TEX10: variants seen among roughly 807,000 people sequenced by gnomAD.
TEX10 encodes testis-expressed protein 10.
TEX10 carries 24 observed loss-of-function variants against 104.4 expected under a neutral mutation model. The ratio of observed to expected loss-of-function variants is 0.23; its 90% CI spans 0.17 to 0.32. The LOEUF is 0.32. Among genes scored for constraint, TEX10 ranks in the 10% least tolerant of loss-of-function variants. TEX10 has a pLI of 1.00. For missense variants in TEX10, 921 were observed against 1,083.9 expected (o/e 0.85, Z 2.11); for synonymous variants, 396 against 393.4 (o/e 1.01, Z -0.08).
At chr9:100,339,290 T>TACAC (rs1554739448) in intron 5 of TEX10, among the ~76,000 whole-genome samples, 19 of 126,864 alleles carry the variant, frequency 1.5e-4, no homozygotes, top group Admixed American at 1.7e-4. Flanking sequence ...TATATATATA[T>TACAC]ACATATATAT....
intron 1 of TEX10, among the ~76,000 whole-genome samples, chr9:100,351,508 G>A (rs1383092201): frequency 6.6e-6 from 1 of 152,050 alleles, no homozygotes; most frequent in Non-Finnish European, 1.5e-5. Context: ...AGCACACTTT[G>A]TGAGCTTTTC....
At position 100,326,330 on chromosome 9, in the gene TEX10, C is replaced by T. The variant is rs763253525; in HGVS notation, c.1951G>A (p.Ala651Thr). The T allele has an allele frequency of 2.5e-5, 41 of 1,613,750 alleles. No individual in the cohort carries two copies. The Admixed American group carries it at 6.7e-4, about 26-fold the overall frequency. ...IMGRLSSSLA[A>T]MLIGILHMRS... ...ATGTGCAGTATCCCGATAAGCATGGCAGCCAAACTTGAACTGAGTCTTCCC... is the reference window on the plus strand; with the variant it reads ...ATGTGCAGTATCCCGATAAGCATGGTAGCCAAACTTGAACTGAGTCTTCCC... The change falls in exon 9 of 15, where the codon GCC (alanine) becomes ACC (threonine). Residue 651 changes from alanine (A) to threonine (T), a missense_variant. Around this residue, in one of 3 missense-constraint regions of TEX10, gnomAD observed 753 missense variants for 868.4 expected, o/e 0.87. Transcript: ENST00000374902.
Position 100,321,670 on chromosome 9 carries a change from T to C in TEX10, c.2068+13A>G. 6.2e-7 allele frequency: 1 copy of C among 1,601,706 alleles called. No homozygotes were observed. The highest frequency in any genetic ancestry group is 8.5e-7 in the Non-Finnish European group (1 of 1,172,906). ...GTTTTTTCTTTTTTAATCTGGCAAG[T>C]GAATGTGGTTACCTGTAAGTGTGGA... On this transcript the variant is annotated intron_variant, in intron 10 of 14. Transcript: ENST00000374902.
intron 5 of TEX10, among the ~76,000 whole-genome samples, chr9:100,331,483 T>C (rs932307902): frequency 2.0e-5 from 3 of 152,006 alleles, no homozygotes; most frequent in Admixed American, 6.6e-5. Context: ...GCCATAAATA[T>C]CTCAAGCCAA....
chr9:100,325,703 G>A (rs992118012), intron 9 of TEX10, among the ~76,000 whole-genome samples: 1 of 152,018 alleles, frequency 6.6e-6, no homozygotes, highest in Non-Finnish European at 1.5e-5. Context: ...GCTAATTTTT[G>A]TATTTATAGC....
chr9:100,308,588 G>T lies in TEX10; in HGVS notation c.2377C>A (p.Leu793Ile). Residue 793 changes from leucine (L) to isoleucine (I), a missense_variant, in exon 13 of 15, where the codon CTA (leucine) becomes ATA (isoleucine). By Grantham distance (5) the Leu-to-Ile change is conservative. Coordinates refer to ENST00000374902, the MANE Select transcript of TEX10 (RefSeq NM_017746.4). The part of the protein sequence containing the change: ...LDHTCVVSET[L>I]LPFLASCCYS... ...CAACAAGAAGCCAGAAATGGCAGTA[G>T]AGTCTCACTAACTACACAAGTATGA... is the stretch of plus-strand genomic sequence containing the variant. 1 of 1,613,440 alleles carries T rather than the reference G, an allele frequency of 6.2e-7. No homozygotes were observed. Among genetic ancestry groups the T allele is most frequent in the South Asian group, 1.1e-5 (1 of 90,954 alleles).
intron 5 of TEX10, among the ~76,000 whole-genome samples, chr9:100,331,960 A>G (rs886463545): frequency 1.3e-5 from 2 of 152,252 alleles, no homozygotes; most frequent in African/African-American, 4.8e-5. Context: ...AGGAGTAATC[A>G]TTAAGGGTTC....
At position 100,309,726 on chromosome 9, in the gene TEX10, A is replaced by G. The variant is rs750396759; in HGVS notation, c.2283+573T>C. On this transcript the variant is annotated intron_variant, in intron 12 of 14. Transcript: ENST00000374902. ...TAATTTGGGAGCCCTGCTTTGTACT[A>G]TAACACATTACAATAAAAAGCCAAA... Among the ~76,000 whole-genome samples, 11 of 152,248 alleles carry G rather than the reference A, an allele frequency of 7.2e-5. No homozygotes were observed. In the East Asian group the frequency reaches 9.6e-4, roughly 13 times the overall value.
At chr9:100,320,512 T>C in intron 10 of TEX10, 114 bp from the exon 11 acceptor site, 1 of 1,187,430 alleles carries the variant, frequency 8.4e-7, no homozygotes, top group Middle Eastern at 2.5e-4. Context: ...TAAGCTACCT[T>C]GTTTTCTCTG....
chr9:100,347,280 C>T lies in TEX10; in HGVS notation c.307G>A (p.Val103Met), dbSNP rs765287245. The T allele has an allele frequency of 3.5e-5, 56 of 1,614,018 alleles. No homozygotes were observed. The highest frequency in any genetic ancestry group is 4.7e-5 in the Non-Finnish European group (55 of 1,180,014). The change falls in exon 3 of 15, where the codon GTG (valine) becomes ATG (methionine). Residue 103 changes from valine (V) to methionine (M), a missense_variant. Val to Met is a conservative substitution (Grantham distance 21). Around this residue, in one of 3 missense-constraint regions of TEX10, gnomAD observed 50 missense variants for 104.2 expected, o/e 0.48. Transcript: ENST00000374902. Reference sequence around the variant, plus strand: ...TCTTTATCTGTAAACACAGCAGTCACTTCACTTAATATGTTTGAAAGGTGT... The same window carrying T: ...TCTTTATCTGTAAACACAGCAGTCATTTCACTTAATATGTTTGAAAGGTGT... ...DAHLSNILSE[V>M]TAVFTDKDAN...
intron 4 of TEX10, among the ~76,000 whole-genome samples, chr9:100,343,322 T>C (rs1358599670): frequency 1.0e-5 from 1 of 95,566 alleles, no homozygotes. Context: ...ATAAAAAAGA[T>C]AGGTAAGGGA....
intron 5 of TEX10, among the ~76,000 whole-genome samples, chr9:100,331,160 C>A (rs1381695866): frequency 6.6e-6 from 1 of 152,148 alleles, no homozygotes; most frequent in Non-Finnish European, 1.5e-5. Context: ...ACTTGGGAGG[C>A]TGAGGCAGGA....
intron 13 of TEX10, 45 bp from the exon 14 acceptor site, chr9:100,303,887 A>C: frequency 6.3e-7 from 1 of 1,584,284 alleles, no homozygotes. Flanking sequence ...AAATGCCCAC[A>C]GGAAAAGCCC....
intron 1 of TEX10, chr9:100,352,336 G>A: frequency 1.3e-6 from 2 of 1,548,562 alleles, no homozygotes; most frequent in East Asian, 2.4e-5. Flanking sequence ...TCTCCCGCCT[G>A]GGCGACCAGA....
At chr9:100,332,404 T>C (rs1290706330) in intron 5 of TEX10, among the ~76,000 whole-genome samples, 1 of 152,218 alleles carries the variant, frequency 6.6e-6, no homozygotes, top group African/African-American at 2.4e-5. Context: ...GAGTTCCTTC[T>C]GCTCCTCCAA....
intron 9 of TEX10, among the ~76,000 whole-genome samples, 168 bp from the exon 10 acceptor site, chr9:100,321,939 G>A (rs1344851067): frequency 6.6e-6 from 1 of 152,054 alleles, no homozygotes; most frequent in Non-Finnish European, 1.5e-5. Context: ...AAGGGCTCAA[G>A]TACCCTAGTA....
At chr9:100,320,510 C>A (rs1219579478) in intron 10 of TEX10, 112 bp from the exon 11 acceptor site, 1 of 1,195,674 alleles carries the variant, frequency 8.4e-7, no homozygotes. Flanking sequence ...TTTAAGCTAC[C>A]TTGTTTTCTC....
intron 5 of TEX10, among the ~76,000 whole-genome samples, chr9:100,338,334 C>G (rs1835063976): frequency 6.6e-6 from 1 of 152,178 alleles, no homozygotes; most frequent in South Asian, 2.1e-4. Flanking sequence ...AACGTCAGCA[C>G]CAGCCAGCCA....
chr9:100,311,426 T>C (rs1030723544), intron 11 of TEX10, among the ~76,000 whole-genome samples: 1 of 152,128 alleles, frequency 6.6e-6, no homozygotes, highest in Non-Finnish European at 1.5e-5. Flanking sequence ...TTCAAGGACC[T>C]GCCGTGTATG....
Sources: allele counts gnomAD v4.1 joint callset (sites outside exome capture counted in the v4.1 genomes callset), GRCh38; gene constraint gnomAD v4.1.1; regional missense constraint gnomAD v4.1.1; transcripts MANE v1.5; gene names NCBI Gene and HGNC (gene_info 2026-07-23, HGNC 2026-07-21).